The following ADARB2 variants were observed in gnomAD, a reference collection of about 807,000 sequenced individuals.
ADARB2 encodes the protein inactive double-stranded RNA-specific editase B2.
Under a neutral mutation model 62.2 loss-of-function variants are expected in ADARB2, and 25 were observed. The ratio of observed to expected loss-of-function variants is 0.40; its 90% CI spans 0.29 to 0.56. The LOEUF (loss-of-function observed/expected upper bound fraction) is 0.56, where lower values mean the gene tolerates loss of function less well. Ranked by LOEUF, ADARB2 falls within the 20% of genes least tolerant of loss-of-function variation. The probability of loss-of-function intolerance (pLI) is 0.43; values close to 1 mark genes in which losing one functional copy is unlikely to be tolerated. For missense variants in ADARB2, 1,071 were observed against 1,077.4 expected (o/e 0.99, Z 0.08); for synonymous variants, 572 against 500.8 (o/e 1.14, Z -1.90).
chr10:1,568,934 G>T (rs978427583), intron 1 of ADARB2, among the ~76,000 whole-genome samples: 1 of 152,112 alleles, frequency 6.6e-6, no homozygotes, highest in African/African-American at 2.4e-5. Context: ...AATAAGTTAC[G>T]ATTTGTATGA....
At chr10:1,471,455 G>T (rs539556572) in intron 1 of ADARB2, among the ~76,000 whole-genome samples, 1 of 152,198 alleles carries the variant, frequency 6.6e-6, no homozygotes, top group East Asian at 1.9e-4. Context: ...CAATGGCGAG[G>T]TCTCGGCTTA....
intron 2 of ADARB2, among the ~76,000 whole-genome samples, chr10:1,364,412 G>A (rs1373440202): frequency 1.3e-5 from 2 of 152,172 alleles, no homozygotes; most frequent in Non-Finnish European, 2.9e-5. Flanking sequence ...TGTCTCCTGA[G>A]AACTCCCTGG....
chr10:1,531,000 C>T (rs1245660660), intron 1 of ADARB2, among the ~76,000 whole-genome samples: 10 of 152,198 alleles, frequency 6.6e-5, no homozygotes, highest in Non-Finnish European at 1.3e-4. Flanking sequence ...GTTGCTTCTT[C>T]GGCAAGGTCG....
At chr10:1,632,554 G>A (rs1240441374) in intron 1 of ADARB2, among the ~76,000 whole-genome samples, 1 of 152,246 alleles carries the variant, frequency 6.6e-6, no homozygotes, top group Non-Finnish European at 1.5e-5. Context: ...GCTGTGGGCT[G>A]AGTTGTGGCC....
intron 1 of ADARB2, among the ~76,000 whole-genome samples, chr10:1,672,735 G>GCTCCTGCCTCCCTCCCCGCATGGAAAGT (rs1834407491): frequency 6.8e-6 from 1 of 146,870 alleles, no homozygotes; most frequent in South Asian, 2.2e-4. Context: ...GCACCGCAAG[G>GCTCCTGCCTCCCTCCCCGCATGGAAAGT]CTCCTGCCTC....
intron 3 of ADARB2, among the ~76,000 whole-genome samples, chr10:1,310,090 A>G (rs1170780923): frequency 1.3e-5 from 2 of 152,118 alleles, no homozygotes; most frequent in Non-Finnish European, 2.9e-5. Context: ...GATTTCACCA[A>G]AGTCTCTATG....
At chr10:1,467,580 G>A (rs1023443495) in intron 1 of ADARB2, among the ~76,000 whole-genome samples, 2 of 152,170 alleles carry the variant, frequency 1.3e-5, no homozygotes, top group Non-Finnish European at 1.5e-5. Context: ...CTGCTGTCGA[G>A]CGAGGACTGA....
chr10:1,257,125 C>T (rs1831087071), intron 4 of ADARB2, among the ~76,000 whole-genome samples: 1 of 152,210 alleles, frequency 6.6e-6, no homozygotes, highest in Admixed American at 6.5e-5. Context: ...CTGTGAGCTC[C>T]ACGCCCTCTC....
At chr10:1,281,438 A>G (rs1831370199) in intron 3 of ADARB2, among the ~76,000 whole-genome samples, 1 of 152,260 alleles carries the variant, frequency 6.6e-6, no homozygotes, top group South Asian at 2.1e-4. Context: ...AGGCCCAGGC[A>G]AAGCACCATG....
chr10:1,266,157 C>T (rs969099484), intron 4 of ADARB2, among the ~76,000 whole-genome samples: 20 of 152,352 alleles, frequency 1.3e-4, no homozygotes, highest in Non-Finnish European at 2.8e-4. Context: ...GGTCCACGCC[C>T]TCTGAGAAGA....
At chr10:1,376,976 GGT>G (rs200238148) in intron 2 of ADARB2, among the ~76,000 whole-genome samples, 1,885 of 143,338 alleles carry the variant, frequency 0.013, 35 homozygotes, top group Middle Eastern at 0.023. Flanking sequence ...GCACCCCTGG[GGT>G]GTGTGTGTGT....
chr10:1,401,317 G>C (rs1176937157), intron 1 of ADARB2, among the ~76,000 whole-genome samples: 3 of 152,214 alleles, frequency 2.0e-5, no homozygotes. Flanking sequence ...AAGCAGCACA[G>C]AGCCCTGCGG....
intron 1 of ADARB2, among the ~76,000 whole-genome samples, chr10:1,450,160 C>T (rs1020721482): frequency 2.6e-5 from 4 of 152,206 alleles, no homozygotes; most frequent in Non-Finnish European, 4.4e-5. Flanking sequence ...ACGCTCCCGT[C>T]GAGAGGGAGG....
rs182820095 is a variant in ADARB2, at chr10:1,405,820, C to T, written c.101-26660G>A. Among the ~76,000 whole-genome samples the T allele has an allele frequency of 2.0e-5, 3 of 152,082 alleles. 1 individual carries two copies. The highest frequency in any genetic ancestry group is 4.2e-4 in the South Asian group (2 of 4,802). ...ATGCACCCATTTATTAAATCCTTCT[C>T]CAAGATACACCTGTTTATTAAACCT... On this transcript the variant is annotated intron_variant, in intron 1 of 9. Coordinates refer to ENST00000381312, the MANE Select transcript of ADARB2 (RefSeq NM_018702.4).
Position 1,192,210 on chromosome 10 carries a change from AT to A in ADARB2, c.1865-7172del, listed in dbSNP as rs1420491408. On this transcript the variant is annotated intron_variant, in intron 8 of 9. Transcript: ENST00000381312. The stretch of plus-strand genomic sequence containing the variant: ...TTACACAAGACATCTCAGGAGTATA[AT>A]TTTTACATGCAGTGAGGCAAGTCTG... 2.6e-5 allele frequency among the ~76,000 whole-genome samples: 4 copies of A among 152,196 alleles called. No individual in the cohort carries two copies. In the East Asian group the frequency reaches 7.7e-4, roughly 29 times the overall value.
chr10:1,660,321 A>G (rs1392451115), intron 1 of ADARB2, among the ~76,000 whole-genome samples: 1 of 152,218 alleles, frequency 6.6e-6, no homozygotes, highest in African/African-American at 2.4e-5. Context: ...ACATTTATTG[A>G]GCATTTCACT....
At chr10:1,241,788 C>T (rs1830927004) in intron 5 of ADARB2, among the ~76,000 whole-genome samples, 1 of 152,190 alleles carries the variant, frequency 6.6e-6, no homozygotes, top group African/African-American at 2.4e-5. Flanking sequence ...TCTCTGAGGG[C>T]AACGGCGGAA....
chr10:1,498,406 ATAAG>A (rs1831719885), intron 1 of ADARB2, among the ~76,000 whole-genome samples: 1 of 141,240 alleles, frequency 7.1e-6, no homozygotes, highest in Non-Finnish European at 1.6e-5. Context: ...AAATAAATAA[ATAAG>A]TAATTTTTTT....
rs373439178 is a variant in ADARB2, at chr10:1,271,017, G to C, written c.1130C>G (p.Thr377Arg). ...QLVTQKFREV[T>R]TDLTPMHARH... ...GGCGTGCATGGGCGTGAGGTCCGTC[G>C]TCACCTCGCGGAACTTCTGTGTGAC... The change falls in exon 4 of 10, where the codon ACG becomes AGG. Residue 377 changes from threonine to arginine, a missense_variant. Coordinates refer to ENST00000381312, the MANE Select transcript of ADARB2 (RefSeq NM_018702.4). 3.1e-6 allele frequency: 5 copies of C among 1,613,844 alleles called. No individual in the cohort carries two copies. The highest frequency in any genetic ancestry group is 4.2e-6 in the Non-Finnish European group (5 of 1,179,928).
Sources: allele counts gnomAD v4.1 joint callset (sites outside exome capture counted in the v4.1 genomes callset), GRCh38; gene constraint gnomAD v4.1.1; transcripts MANE v1.5; gene names NCBI Gene and HGNC (gene_info 2026-07-23, HGNC 2026-07-21).